LEMD2: variants seen among roughly 807,000 people sequenced by gnomAD.
LEMD2 encodes the protein LEM domain-containing protein 2.
LEMD2 carries 34 observed loss-of-function variants against 58.8 expected under a neutral mutation model. The observed-to-expected ratio is 0.58, with a 90% CI of 0.44 to 0.77. The LOEUF is 0.77. LEMD2 is among the 30% of genes least tolerant of loss of function. LEMD2 has a pLI of 0.00. For synonymous variants in LEMD2, 298 were observed against 308.9 expected (o/e 0.96, Z 0.37); for missense variants, 629 against 717.9 (o/e 0.88, Z 1.42).
Position 33,772,450 on chromosome 6 carries a change from C to T in LEMD2, c.*178G>A. The T allele has an allele frequency of 3.6e-6, 2 of 563,242 alleles. No homozygotes were observed. Among genetic ancestry groups the T allele is most frequent in the Non-Finnish European group, 6.1e-6 (2 of 328,432 alleles). The allele number at this position is 563,242 out of a possible 1,614,324, so 34.9% of individuals were successfully genotyped here. A position where few individuals can be genotyped will look rare whatever the true frequency, so the allele number is the denominator to read the frequency against. ...TCCCCCTCCCTTTAAAGGAAGCCCA[C>T]ATTTTCCTGCGAGCCGAACTCCTCT... On this transcript the variant is annotated 3_prime_UTR_variant, in exon 9 of 9. Coordinates refer to ENST00000293760, the MANE Select transcript of LEMD2 (RefSeq NM_181336.4).
chr6:33,781,374 A>G (rs12196293), intron 3 of LEMD2: 291,991 of 538,498 alleles, frequency 0.54, 82,991 homozygotes, highest in East Asian at 0.82. Context: ...GCAGTGTGGC[A>G]TTTTGCATTA....
intron 2 of LEMD2, chr6:33,784,662 A>G (rs1469763257): frequency 2.2e-6 from 1 of 463,964 alleles, no homozygotes; most frequent in African/African-American, 1.9e-5. Flanking sequence ...GAAAGCAGAC[A>G]CTGTAACCAA....
intron 8 of LEMD2, among the ~76,000 whole-genome samples, chr6:33,775,864 C>T (rs1011985129): frequency 6.6e-5 from 10 of 152,268 alleles, no homozygotes; most frequent in Admixed American, 2.6e-4. Flanking sequence ...AAGTAGTGCC[C>T]GGCTCCCAGG....
At chr6:33,777,298 A>C in intron 6 of LEMD2, 59 bp from the exon 7 acceptor site, 1 of 1,107,678 alleles carries the variant, frequency 9.0e-7, no homozygotes, top group Non-Finnish European at 1.4e-6. Flanking sequence ...GGGTCTCACC[A>C]TGGACAAGAT....
chr6:33,778,099 C>T lies in LEMD2; in HGVS notation c.1156+143G>A, dbSNP rs932116478. ...AACCCAGGGCAGAGGCTGACTTGTT[C>T]ATCTCCTCTGTTTTATGAGACAGAC... On this transcript the variant is annotated intron_variant, in intron 6 of 8. Transcript: ENST00000293760. The surrounding 1 kb of genome is among the most constrained non-coding windows in gnomAD (Gnocchi z 4.7). 1.7e-4 allele frequency: 121 copies of T among 705,888 alleles called. No homozygotes were observed. In the African/African-American group the frequency reaches 2.1e-3, roughly 12 times the overall value. 43.7% of individuals were successfully genotyped at this position (705,888 alleles called of 1,614,324 possible).
At chr6:33,777,382 T>C (rs1483125486) in intron 6 of LEMD2, 143 bp from the exon 7 acceptor site, 2 of 697,228 alleles carry the variant, frequency 2.9e-6, no homozygotes, top group Non-Finnish European at 5.3e-6. Context: ...AGGGCCAGCA[T>C]GCGAGAAACA....
rs1767299540 is a variant in LEMD2, at chr6:33,771,756, A to G, written c.*872T>C. 6.6e-6 allele frequency: 1 copy of G among 152,208 alleles called. No individual in the cohort carries two copies. Among genetic ancestry groups the G allele is most frequent in the Non-Finnish European group, 1.5e-5 (1 of 68,036 alleles). 9.4% of individuals were successfully genotyped at this position (152,208 alleles called of 1,614,324 possible). A position where few individuals can be genotyped will look rare whatever the true frequency, so the allele number is the denominator to read the frequency against. Reference sequence around the variant, plus strand: ...GGTAACAGAAACGCCGGCTGCGCTGAAGTTCTTGTTAAACAGCCCCGCGTC... The same window carrying G: ...GGTAACAGAAACGCCGGCTGCGCTGGAGTTCTTGTTAAACAGCCCCGCGTC... On this transcript the variant is annotated 3_prime_UTR_variant, in exon 9 of 9. Coordinates refer to ENST00000293760, the MANE Select transcript of LEMD2 (RefSeq NM_181336.4).
In LEMD2 at chr6:33,788,908, T is replaced by G. The variant is rs770739282; in HGVS notation, c.209A>C (p.Glu70Ala). The G allele has an allele frequency of 1.1e-4, 159 of 1,431,808 alleles. No individual in the cohort carries two copies. Among genetic ancestry groups the G allele is most frequent in the Non-Finnish European group, 1.4e-4 (155 of 1,098,662 alleles). The allele number at this position is 1,431,808 out of a possible 1,614,324, so 88.7% of individuals were successfully genotyped here. ...GGGCCGGGCGCGCAGCGGCGCATCC[T>G]CGCGTAACCGGGCCTCTTCCCGTAA... ...ERLREEARLR[E>A]DAPLRARPAA... is the part of the protein sequence containing the mutation. The change falls in exon 1 of 9, where the codon GAG (glutamate) becomes GCG (alanine). Residue 70 changes from glutamate (E) to alanine (A), a missense_variant. Around this residue, in one of 2 missense-constraint regions of LEMD2, gnomAD observed 386 missense variants for 381.1 expected, o/e 1.01. Transcript: ENST00000293760.
At chr6:33,784,120 C>T (rs1767622766) in intron 3 of LEMD2, among the ~76,000 whole-genome samples, 1 of 152,212 alleles carries the variant, frequency 6.6e-6, no homozygotes, top group Non-Finnish European at 1.5e-5. Flanking sequence ...CATGCCAGGA[C>T]CTCCCTTAAA....
chr6:33,783,338 G>C (rs1223055350), intron 3 of LEMD2, among the ~76,000 whole-genome samples: 1 of 152,164 alleles, frequency 6.6e-6, no homozygotes, highest in East Asian at 1.9e-4. Context: ...AGAGGGAGGA[G>C]GCAGAAGAGC....
chr6:33,771,755 G>T lies in LEMD2; in HGVS notation c.*873C>A, dbSNP rs1040610992. 1.3e-5 allele frequency: 2 copies of T among 152,246 alleles called. No individual in the cohort carries two copies. The highest frequency in any genetic ancestry group is 2.4e-5 in the African/African-American group (1 of 41,458). 9.4% of individuals were successfully genotyped at this position (152,246 alleles called of 1,614,324 possible). A position where few individuals can be genotyped will look rare whatever the true frequency, so the allele number is the denominator to read the frequency against. ...GGGTAACAGAAACGCCGGCTGCGCT[G>T]AAGTTCTTGTTAAACAGCCCCGCGT... On this transcript the variant is annotated 3_prime_UTR_variant, in exon 9 of 9. Coordinates refer to ENST00000293760, the MANE Select transcript of LEMD2 (RefSeq NM_181336.4).
intron 8 of LEMD2, 45 bp from the exon 9 acceptor site, chr6:33,772,823 G>A (rs753208796): frequency 1.3e-6 from 2 of 1,566,874 alleles, no homozygotes; most frequent in South Asian, 1.2e-5. Flanking sequence ...GCCGAGGTGA[G>A]CCAGCCTGTG....
Position 33,788,935 on chromosome 6 carries a change from C to A in LEMD2, c.182G>T (p.Arg61Leu). ...REEARPRGEE[R>L]LREEARLRED... ...GCGTAACCGGGCCTCTTCCCGTAAC[C>A]GCTCCTCGCCCCGCGGCCGGGCCTC... The change falls in exon 1 of 9, where the codon CGG becomes CTG. Residue 61 changes from arginine (R) to leucine (L), a missense_variant. Physicochemically the swap from Arg to Leu is moderately radical, Grantham distance 102. Around this residue, in one of 2 missense-constraint regions of LEMD2, gnomAD observed 386 missense variants for 381.1 expected, o/e 1.01. Transcript: ENST00000293760. 6.7e-7 allele frequency: 1 copy of A among 1,498,186 alleles called. No homozygotes were observed. The highest frequency in any genetic ancestry group is 8.8e-7 in the Non-Finnish European group (1 of 1,131,590). The allele number at this position is 1,498,186 out of a possible 1,614,324, so 92.8% of individuals were successfully genotyped here. A position where few individuals can be genotyped will look rare whatever the true frequency, so the allele number is the denominator to read the frequency against.
chr6:33,778,289 C>T lies in LEMD2; in HGVS notation c.1109G>A (p.Ser370Asn), dbSNP rs1395242719. 1.2e-6 allele frequency: 2 copies of T among 1,609,404 alleles called. No homozygotes were observed. The highest frequency in any genetic ancestry group is 4.5e-5 in the East Asian group (2 of 44,646). ...GGTGACAGCAGTGAGCAAGGCCCGGCTCAGGCGGCAGCCAACACCCATGCG... is the reference window on the plus strand; with the variant it reads ...GGTGACAGCAGTGAGCAAGGCCCGGTTCAGGCGGCAGCCAACACCCATGCG... Reference protein sequence around the residue: ...HPRMGVGCRLSRALLTAVTNV... With the variant: ...HPRMGVGCRLNRALLTAVTNV... Residue 370 changes from serine (S) to asparagine (N), a missense_variant, in exon 6 of 9, where the codon AGC (serine) becomes AAC (asparagine). By Grantham distance (46) the Ser-to-Asn change is conservative (BLOSUM62 1). Transcript: ENST00000293760. This position sits in a 1 kb window ranked among gnomAD's most constrained non-coding sequence, Gnocchi z 4.7.
At chr6:33,780,724 T>C (rs1339580275) in intron 4 of LEMD2, among the ~76,000 whole-genome samples, 1 of 152,126 alleles carries the variant, frequency 6.6e-6, no homozygotes, top group Non-Finnish European at 1.5e-5. Context: ...CCCTGGGCAG[T>C]CTGAATGGTA....
At position 33,772,329 on chromosome 6, in the gene LEMD2, C is replaced by A; in HGVS notation, c.*299G>T. ...CCCCACGCTTGTCAGCTGGGCCTGA[C>A]AGCTGCTGCTCTTGTTTTCTATTCA... On this transcript the variant is annotated 3_prime_UTR_variant, in exon 9 of 9. Transcript: ENST00000293760. 4.2e-6 allele frequency: 1 copy of A among 240,326 alleles called. No homozygotes were observed. Among genetic ancestry groups the A allele is most frequent in the Admixed American group, 5.5e-5 (1 of 18,222 alleles). 14.9% of individuals were successfully genotyped at this position (240,326 alleles called of 1,614,324 possible). A position where few individuals can be genotyped will look rare whatever the true frequency, so the allele number is the denominator to read the frequency against.
chr6:33,781,601 AG>A (rs1200361478), intron 3 of LEMD2: 1 of 168,014 alleles, frequency 6.0e-6, no homozygotes, highest in Non-Finnish European at 1.3e-5. Context: ...GGCCCCTTGG[AG>A]GAAGAGGATG....
chr6:33,786,188 A>C (rs1767670887), intron 2 of LEMD2, among the ~76,000 whole-genome samples: 1 of 80,154 alleles, frequency 1.2e-5, no homozygotes, highest in Non-Finnish European at 3.0e-5. Context: ...TTCATGATTC[A>C]TAAATGGATG....
In LEMD2 at chr6:33,777,251, C is replaced by A; in HGVS notation, c.1157-12G>T. On this transcript the variant is annotated splice_polypyrimidine_tract_variant and intron_variant, in intron 6 of 8. Coordinates refer to ENST00000293760, the MANE Select transcript of LEMD2 (RefSeq NM_181336.4). Reference sequence around the variant, plus strand: ...CAAAAAAGCCAAGCCTGTGAGGGAACAAAACACTGTTAATCCCTCACACTT... The same window carrying A: ...CAAAAAAGCCAAGCCTGTGAGGGAAAAAAACACTGTTAATCCCTCACACTT... 6.5e-7 allele frequency: 1 copy of A among 1,547,704 alleles called. No homozygotes were observed. The highest frequency in any genetic ancestry group is 8.9e-7 in the Non-Finnish European group (1 of 1,119,486).
Sources: gnomAD v4.1 joint callset for allele counts (sites outside exome capture counted in the v4.1 genomes callset) on GRCh38, gnomAD v4.1.1 for gene constraint, gnomAD v4.1.1 regional missense constraint, Gnocchi (gnomAD v3.1) non-coding constraint, MANE v1.5 for transcripts, NCBI Gene and HGNC (gene_info 2026-07-23, HGNC 2026-07-21) for gene names.